Variants in ZNF319 observed in about 807,000 individuals in gnomAD.
ZNF319 encodes the protein zinc finger protein 319.
In ZNF319, 15 loss-of-function variants were observed where a neutral mutation model predicts 46.0. That is an observed-to-expected ratio of 0.33 (90% CI 0.22 to 0.50). ZNF319 has a LOEUF of 0.50. Among genes scored for constraint, ZNF319 ranks in the 20% least tolerant of loss-of-function variants. ZNF319 has a pLI of 0.98. For missense variants in ZNF319, 635 were observed against 807.0 expected (o/e 0.79, Z 2.58); for synonymous variants, 368 against 364.0 (o/e 1.01, Z -0.13).
intron 1 of ZNF319, among the ~76,000 whole-genome samples, chr16:57,999,239 T>TCACACACACACACACA (rs60708700): frequency 6.9e-4 from 100 of 145,760 alleles, no homozygotes; most frequent in Middle Eastern, 3.4e-3. Context: ...CTCCCAGAAC[T>TCACACACACACACACA]CACACACACA....
rs1209011461 is a variant in ZNF319, at chr16:57,996,927, G to T, written c.1339C>A (p.Gln447Lys). 22 of 1,601,392 alleles carry T rather than the reference G, an allele frequency of 1.4e-5. No homozygotes were observed. The highest frequency in any genetic ancestry group is 1.8e-5 in the Non-Finnish European group (21 of 1,178,694). Residue 447 changes from glutamine to lysine, a missense_variant, in exon 2 of 2, where the codon CAG becomes AAG. Physicochemically the swap from Gln to Lys is moderately conservative, Grantham distance 53 (BLOSUM62 1). This residue lies in a region of ZNF319 where 270 missense variants were observed against 281.4 expected (regional missense o/e 0.96). Coordinates refer to ENST00000299237, the MANE Select transcript of ZNF319 (RefSeq NM_020807.3). ...TCTGCCGCCGCACAGTGGGCCAGCT[G>T]GTGCTTCTGCAGGGCCGACGCGCGC... The part of the protein sequence containing the change: ...YKRASALQKH[Q>K]LAHCAAAEKP...
intron 1 of ZNF319, among the ~76,000 whole-genome samples, chr16:57,998,972 C>G (rs1438974253): frequency 6.6e-6 from 1 of 152,164 alleles, no homozygotes; most frequent in Non-Finnish European, 1.5e-5. Flanking sequence ...GGTCTGAGAG[C>G]CCAGTGGCAA....
In ZNF319 at chr16:57,997,861, C is replaced by T. The variant is rs1357239256; in HGVS notation, c.405G>A (p.Gly135=). 1.2e-6 allele frequency: 2 copies of T among 1,613,072 alleles called. No individual in the cohort carries two copies. The highest frequency in any genetic ancestry group is 2.7e-5 in the African/African-American group (2 of 74,942). The part of the protein sequence containing the change: ...VQAEQKPFVC[G]VCKMGFSLLT... ...GTAGTGAGAAGCCCATCTTGCAGAC[C>T]CCACAGACGAAGGGCTTCTGCTCAG... Residue 135 remains glycine (G), a synonymous_variant, in exon 2 of 2, where the codon GGG becomes GGA. Transcript: ENST00000299237.
Position 57,997,753 on chromosome 16 carries a change from C to T in ZNF319, c.513G>A (p.Glu171=), listed in dbSNP as rs1373341668. 1.2e-6 allele frequency: 2 copies of T among 1,613,292 alleles called. No individual in the cohort carries two copies. Among genetic ancestry groups the T allele is most frequent in the Non-Finnish European group, 1.7e-6 (2 of 1,180,042 alleles). ...CGGCTGTGGTGGCTGGCTCCGCTGC[C>T]TCAGCTGGCTTGTAGGTCTTTTCAC... ...SICEKTYKPA[E]AAEPATTAAP... The change falls in exon 2 of 2, where the codon GAG becomes GAA. Residue 171 remains glutamate (E), a synonymous_variant. Coordinates refer to ENST00000299237, the MANE Select transcript of ZNF319 (RefSeq NM_020807.3).
Position 57,996,289 on chromosome 16 carries a change from G to C in ZNF319, c.*228C>G. Reference sequence around the variant, plus strand: ...CATGGGAAAGAGGTTTGTGGAATCAGGATGGGCCACAGCAATCTGGCCGCC... The same window carrying C: ...CATGGGAAAGAGGTTTGTGGAATCACGATGGGCCACAGCAATCTGGCCGCC... On this transcript the variant is annotated 3_prime_UTR_variant, in exon 2 of 2. Coordinates refer to ENST00000299237, the MANE Select transcript of ZNF319 (RefSeq NM_020807.3). 1 of 741,078 alleles carries C rather than the reference G, an allele frequency of 1.3e-6. No homozygotes were observed. The allele number at this position is 741,078 out of a possible 1,614,324, so 45.9% of individuals were successfully genotyped here.
At position 58,000,641 on chromosome 16, in the gene ZNF319, G is replaced by A. The variant is rs1963155470; in HGVS notation, c.-1406C>T. On this transcript the variant is annotated 5_prime_UTR_variant, in exon 1 of 2. Coordinates refer to ENST00000299237, the MANE Select transcript of ZNF319 (RefSeq NM_020807.3). This position sits in a 1 kb window ranked among gnomAD's most constrained non-coding sequence, Gnocchi z 4.5. ...GGGGCGAGGAGCGCCGGGAGGGCGG[G>A]CGGACGGACCGATGGCCTTGCGGAG... Among the ~76,000 whole-genome samples the A allele has an allele frequency of 6.7e-6, 1 of 149,410 alleles. No individual in the cohort carries two copies. The highest frequency in any genetic ancestry group is 6.6e-5 in the Admixed American group (1 of 15,078).
At position 57,996,456 on chromosome 16, in the gene ZNF319, G is replaced by C. The variant is rs1368694333; in HGVS notation, c.*61C>G. On this transcript the variant is annotated 3_prime_UTR_variant, in exon 2 of 2. Transcript: ENST00000299237. ...GCAGCTGTGAGGAGCTAGGCTGCGC[G>C]AGGCCTGCTGGGCCCACGGCGCCGA... is the stretch of plus-strand genomic sequence containing the variant. 4 of 1,450,734 alleles carry C rather than the reference G, an allele frequency of 2.8e-6. No homozygotes were observed. Among genetic ancestry groups the C allele is most frequent in the South Asian group, 1.4e-5 (1 of 70,522 alleles). The allele number at this position is 1,450,734 out of a possible 1,614,324, so 89.9% of individuals were successfully genotyped here. A position where few individuals can be genotyped will look rare whatever the true frequency, so the allele number is the denominator to read the frequency against.
chr16:57,996,050 C>G lies in ZNF319; in HGVS notation c.*467G>C, dbSNP rs3743552. 0.082 allele frequency: 13,456 copies of G among 164,610 alleles called. 636 individuals carry two copies. The highest frequency in any genetic ancestry group is 0.21 in the South Asian group (1,197 of 5,716). The allele number at this position is 164,610 out of a possible 1,614,324, so 10.2% of individuals were successfully genotyped here. On this transcript the variant is annotated 3_prime_UTR_variant, in exon 2 of 2. Coordinates refer to ENST00000299237, the MANE Select transcript of ZNF319 (RefSeq NM_020807.3). ...GCTGGCCTTCTCCCCCACACGGCAA[C>G]TGATGCCTTACACCTAGCCCACCTC... is the stretch of plus-strand genomic sequence containing the variant.
In ZNF319 at chr16:57,997,373, T is replaced by C; in HGVS notation, c.893A>G (p.Glu298Gly). 1.2e-6 allele frequency: 2 copies of C among 1,612,188 alleles called. No homozygotes were observed. Among genetic ancestry groups the C allele is most frequent in the Non-Finnish European group, 8.5e-7 (1 of 1,179,500 alleles). ...RCNVCELHFK[E>G]SSELLQHPCT... Reference sequence around the variant, plus strand: ...CGGGTGCTGCAGCAGCTCCGACGACTCCTTGAAATGCAACTCGCACACGTT... The same window carrying C: ...CGGGTGCTGCAGCAGCTCCGACGACCCCTTGAAATGCAACTCGCACACGTT... The change falls in exon 2 of 2, where the codon GAG becomes GGG. Residue 298 changes from glutamate to glycine, a missense_variant. This residue lies in a region of ZNF319 where 138 missense variants were observed against 248.0 expected (regional missense o/e 0.56). Transcript: ENST00000299237.
Position 57,995,050 on chromosome 16 carries a change from A to C in ZNF319, c.*1467T>G, listed in dbSNP as rs1178394782. On this transcript the variant is annotated 3_prime_UTR_variant, in exon 2 of 2. Coordinates refer to ENST00000299237, the MANE Select transcript of ZNF319 (RefSeq NM_020807.3). ...CTGGTCAGCCTTCTTACGGTGACAG[A>C]GAAGCATGGTGGCATCTCCCTGCCC... The C allele has an allele frequency of 6.6e-6, 1 of 152,190 alleles. No individual in the cohort carries two copies. Among genetic ancestry groups the C allele is most frequent in the Non-Finnish European group, 1.5e-5 (1 of 68,050 alleles). 9.4% of individuals were successfully genotyped at this position (152,190 alleles called of 1,614,324 possible).
In ZNF319 at chr16:57,997,029, C is replaced by G; in HGVS notation, c.1237G>C (p.Glu413Gln). The G allele has an allele frequency of 1.9e-6, 3 of 1,610,122 alleles. No homozygotes were observed. Among genetic ancestry groups the G allele is most frequent in the Non-Finnish European group, 2.5e-6 (3 of 1,179,190 alleles). Residue 413 changes from glutamate to glutamine, a missense_variant, in exon 2 of 2, where the codon GAG (glutamate) becomes CAG (glutamine). Transcript: ENST00000299237. The part of the protein sequence containing the change: ...VCQKGFDQSA[E>Q]LLRHKCLPGA... ...GGCAGGCACTTGTGCCGCAGCAGCT[C>G]GGCAGATTGGTCAAAGCCTTTCTGG...
chr16:57,998,761 G>A (rs563275197), intron 1 of ZNF319, among the ~76,000 whole-genome samples: 27 of 151,800 alleles, frequency 1.8e-4, no homozygotes, highest in African/African-American at 3.9e-4. Flanking sequence ...TCAGTGCCCC[G>A]CCCCTGGGCC....
intron 1 of ZNF319, among the ~76,000 whole-genome samples, chr16:57,999,252 C>CACACAT (rs1325498082): frequency 1.3e-5 from 2 of 148,964 alleles, no homozygotes; most frequent in African/African-American, 5.2e-5. Flanking sequence ...CACACACACA[C>CACACAT]ACACACACAC....
rs761948614 is a variant in ZNF319, at chr16:57,997,889, T to A, written c.377A>T (p.Gln126Leu). ...ACAGACGAAGGGCTTCTGCTCAGCC[T>A]GCACGCACTGGTGCTCCAGCAGGTC... The part of the protein sequence containing the change: ...ATDLLEHQCV[Q>L]AEQKPFVCGV... The change falls in exon 2 of 2, where the codon CAG (glutamine) becomes CTG (leucine). Residue 126 changes from glutamine (Q) to leucine (L), a missense_variant. This residue lies in a region of ZNF319 where 227 missense variants were observed against 277.5 expected (regional missense o/e 0.82). Transcript: ENST00000299237. 1 of 1,613,536 alleles carries A rather than the reference T, an allele frequency of 6.2e-7. No homozygotes were observed. The highest frequency in any genetic ancestry group is 1.1e-5 in the South Asian group (1 of 91,092).
rs1963045860 is a variant in ZNF319, at chr16:57,997,477, G to A, written c.789C>T (p.Cys263=). The A allele has an allele frequency of 3.1e-6, 5 of 1,613,692 alleles. No homozygotes were observed. Among genetic ancestry groups the A allele is most frequent in the Non-Finnish European group, 4.2e-6 (5 of 1,179,944 alleles). ...SSERPYKCAV[C]EKTFKHRSHL... ...GAGAGCGGTGCTTGAAGGTCTTCTCGCAGACTGCGCACTTGTAGGGCCGCT... is the reference window on the plus strand; with the variant it reads ...GAGAGCGGTGCTTGAAGGTCTTCTCACAGACTGCGCACTTGTAGGGCCGCT... The change falls in exon 2 of 2, where the codon TGC becomes TGT. Residue 263 remains cysteine (C), a synonymous_variant. Transcript: ENST00000299237.
Position 57,994,956 on chromosome 16 carries a change from G to A in ZNF319, c.*1561C>T, listed in dbSNP as rs9083. 0.45 allele frequency: 68,573 copies of A among 152,038 alleles called. 17,933 individuals are homozygous for A. The highest frequency in any genetic ancestry group is 0.6 in the Non-Finnish European group (40,506 of 67,980). 9.4% of individuals were successfully genotyped at this position (152,038 alleles called of 1,614,324 possible). A position where few individuals can be genotyped will look rare whatever the true frequency, so the allele number is the denominator to read the frequency against. On this transcript the variant is annotated 3_prime_UTR_variant, in exon 2 of 2. Transcript: ENST00000299237. ...GGCATTGTGACAGAGAGCCAGCACC[G>A]AGGGGAAGGACCAGCCCCTCCCTGT...
In ZNF319 at chr16:57,998,091, CG is replaced by C; in HGVS notation, c.174del (p.Gly59AlafsTer100). On this transcript the variant is annotated frameshift_variant, in exon 2 of 2. Coordinates refer to ENST00000299237, the MANE Select transcript of ZNF319 (RefSeq NM_020807.3). LOFTEE classifies it high-confidence loss of function. ...AVYGILLQPD[P>X]GLQPPQHAPL... ...GGTGCGTGTTGTGGGGGCTGCAGGC[CG>C]GGGTCTGGCTGCAGGAGGATGCCAT... The C allele has an allele frequency of 6.2e-7, 1 of 1,607,616 alleles. No homozygotes were observed. Among genetic ancestry groups the C allele is most frequent in the Non-Finnish European group, 8.5e-7 (1 of 1,178,310 alleles).
rs762215662 is a variant in ZNF319 at position 57,998,051 on chromosome 16, C to T, written c.215G>A (p.Gly72Glu). 2 of 1,610,416 alleles carry T rather than the reference C, an allele frequency of 1.2e-6. No individual in the cohort carries two copies. The highest frequency in any genetic ancestry group is 1.7e-4 in the Middle Eastern group (1 of 6,058). Reference protein sequence around the residue: ...PPQHAPLQAAGEPGPKCGVCG... With the variant: ...PPQHAPLQAAEEPGPKCGVCG... ...CACGCCACATTTGGGGCCTGGCTCT[C>T]CTGCTGCCTGCAGGGGTGCGTGTTG... is the stretch of plus-strand genomic sequence containing the variant. The change falls in exon 2 of 2, where the codon GGA becomes GAA. Residue 72 changes from glycine (G) to glutamate (E), a missense_variant. Physicochemically the swap from Gly to Glu is moderately conservative, Grantham distance 98. Transcript: ENST00000299237.
At position 57,997,747 on chromosome 16, in the gene ZNF319, C is replaced by T. The variant is rs548145658; in HGVS notation, c.519G>A (p.Ala173=). 28 of 1,613,416 alleles carry T rather than the reference C, an allele frequency of 1.7e-5. No homozygotes were observed. The highest frequency in any genetic ancestry group is 1.6e-4 in the Middle Eastern group (1 of 6,062). ...ACGGGGCGGCTGTGGTGGCTGGCTC[C>T]GCTGCCTCAGCTGGCTTGTAGGTCT... ...CEKTYKPAEA[A]EPATTAAPSL... The change falls in exon 2 of 2, where the codon GCG becomes GCA. Residue 173 remains alanine, a synonymous_variant. Coordinates refer to ENST00000299237, the MANE Select transcript of ZNF319 (RefSeq NM_020807.3).
Sources: allele counts gnomAD v4.1 joint callset (sites outside exome capture counted in the v4.1 genomes callset), GRCh38; gene constraint gnomAD v4.1.1; regional missense constraint gnomAD v4.1.1; non-coding constraint Gnocchi (gnomAD v3.1); transcripts MANE v1.5; gene names NCBI Gene and HGNC (gene_info 2026-07-23, HGNC 2026-07-21).